Variants in ATP2C2 observed in about 807,000 individuals in gnomAD.
ATP2C2 encodes calcium-transporting ATPase type 2C member 2.
A neutral mutation model predicts 110.8 loss-of-function variants in ATP2C2; 171 were observed. That is an observed-to-expected ratio of 1.54 (90% CI 1.36 to 1.75). The LOEUF (loss-of-function observed/expected upper bound fraction) is 1.75, where lower values mean the gene tolerates loss of function less well. Among genes scored for constraint, ATP2C2 ranks in the 40% most tolerant of loss-of-function variants. The pLI is 0.00. For synonymous variants in ATP2C2, 804 were observed against 508.4 expected, an observed-to-expected ratio of 1.58 and a Z score of -7.82; for missense variants, 1,963 against 1,235.0, an observed-to-expected ratio of 1.59 and a Z score of -8.84.
intron 26 of ATP2C2, 52 bp from the exon 27 acceptor site, chr16:84,463,562 C>T (rs1435122340): frequency 1.1e-5 from 16 of 1,503,376 alleles, no homozygotes; most frequent in African/African-American, 2.8e-5. Context: ...TTCCTGCCGG[C>T]GCAACAGAGC....
intron 21 of ATP2C2, 138 bp downstream of exon 21, chr16:84,455,122 G>T: frequency 8.8e-7 from 1 of 1,135,022 alleles, no homozygotes; most frequent in Non-Finnish European, 1.2e-6. Flanking sequence ...GGGCTCGTCA[G>T]TGTGGCAGGT....
intron 23 of ATP2C2, chr16:84,459,655 A>C (rs1911075844): frequency 2.5e-5 from 34 of 1,386,088 alleles, no homozygotes; most frequent in African/African-American, 4.3e-5. Flanking sequence ...TGCATGGCTC[A>C]TTCTCATGCT....
intron 1 of ATP2C2, among the ~76,000 whole-genome samples, chr16:84,373,969 G>C (rs892243532): frequency 6.6e-6 from 1 of 152,214 alleles, no homozygotes; most frequent in Admixed American, 6.5e-5. Context: ...TCAAACTCAA[G>C]TCCAACTGCC....
At chr16:84,417,290 C>T (rs149652127) in intron 7 of ATP2C2, among the ~76,000 whole-genome samples, 7 of 152,232 alleles carry the variant, frequency 4.6e-5, no homozygotes, top group African/African-American at 1.4e-4. Flanking sequence ...GTCAGAGAAC[C>T]CCAGGCCCCA....
chr16:84,396,447 G>A (rs1346809902), intron 1 of ATP2C2, among the ~76,000 whole-genome samples: 1 of 151,182 alleles, frequency 6.6e-6, no homozygotes, highest in Non-Finnish European at 1.5e-5. Flanking sequence ...CTACTGGGGA[G>A]GGTGAGGCAG....
intron 16 of ATP2C2, among the ~76,000 whole-genome samples, chr16:84,447,273 C>T (rs932839233): frequency 1.3e-5 from 2 of 152,156 alleles, no homozygotes; most frequent in African/African-American, 4.8e-5. Flanking sequence ...GACACATGTA[C>T]ATTTCAGGGG....
rs971514062 is a variant in ATP2C2 at position 84,446,334 on chromosome 16, C to G, written c.1407C>G (p.Asp469Glu). ...GALMALAMKM[D>E]LSDIKNSYIR... is the part of the protein sequence containing the mutation. Reference sequence around the variant, plus strand: ...GTGTCATTTTATTATGCTAGATGGACTTAAGTGATATTAAAAATTCATATA... The same window carrying G: ...GTGTCATTTTATTATGCTAGATGGAGTTAAGTGATATTAAAAATTCATATA... The change falls in exon 16 of 27, where the codon GAC (aspartate) becomes GAG (glutamate). Residue 469 changes from aspartate to glutamate, a missense_variant. Coordinates refer to ENST00000262429, the MANE Select transcript of ATP2C2 (RefSeq NM_014861.4). The G allele has an allele frequency of 1.3e-6, 2 of 1,572,336 alleles. No homozygotes were observed. Among genetic ancestry groups the G allele is most frequent in the African/African-American group, 1.4e-5 (1 of 72,902 alleles).
intron 1 of ATP2C2, among the ~76,000 whole-genome samples, chr16:84,393,963 C>G (rs1277394639): frequency 6.7e-6 from 1 of 149,720 alleles, no homozygotes; most frequent in African/African-American, 2.5e-5. Flanking sequence ...CAAGACCAGC[C>G]TGGGCAACAT....
intron 11 of ATP2C2, chr16:84,426,088 T>G: frequency 4.8e-6 from 2 of 412,948 alleles, no homozygotes; most frequent in East Asian, 4.3e-5. Context: ...GGTAATTTAT[T>G]AAGAAAATAG....
In ATP2C2 at chr16:84,459,178, C is replaced by T. The variant is rs1213668401; in HGVS notation, c.2206C>T (p.Gln736Ter). 8 of 1,614,206 alleles carry T rather than the reference C, an allele frequency of 5.0e-6. No individual in the cohort carries two copies. Among genetic ancestry groups the T allele is most frequent in the South Asian group, 3.3e-5 (3 of 91,092 alleles). Residue 736 changes from glutamine (Q) to a stop codon, truncating the protein, a stop_gained, in exon 22 of 27, where the codon CAG (glutamine) becomes TAG (stop). Coordinates refer to ENST00000262429, the MANE Select transcript of ATP2C2 (RefSeq NM_014861.4). LOFTEE classifies it high-confidence loss of function. ...FYNIKNFVRF[Q>*]LSTSISALSL... ...CAACATCAAAAACTTTGTCCGATTC[C>T]AGCTGAGCACGTAAGTAGAGGCCAG...
At position 84,440,869 on chromosome 16, in the gene ATP2C2, G is replaced by C. The variant is rs1163628722; in HGVS notation, c.1222G>C (p.Gly408Arg). The change falls in exon 14 of 27, where the codon GGG becomes CGG. Residue 408 changes from glycine (G) to arginine (R), a missense_variant. By Grantham distance (125) the Gly-to-Arg change is moderately radical. Coordinates refer to ENST00000262429, the MANE Select transcript of ATP2C2 (RefSeq NM_014861.4). Reference protein sequence around the residue: ...DGLRAEVSGVGYDGQGTVCLL... With the variant: ...DGLRAEVSGVRYDGQGTVCLL... ...CCTCGCCCTGCAGGTCAGCGGAGTT[G>C]GGTATGACGGTCAAGGGACTGTGTG... The C allele has an allele frequency of 3.1e-6, 5 of 1,613,076 alleles. No individual in the cohort carries two copies. The highest frequency in any genetic ancestry group is 3.4e-6 in the Non-Finnish European group (4 of 1,179,792).
At position 84,461,778 on chromosome 16, in the gene ATP2C2, T is replaced by C; in HGVS notation, c.2546T>C (p.Phe849Ser). 1 of 1,614,224 alleles carries C rather than the reference T, an allele frequency of 6.2e-7. No individual in the cohort carries two copies. The highest frequency in any genetic ancestry group is 8.5e-7 in the Non-Finnish European group (1 of 1,180,024). ...ATGACGTTCACTTGTTTTGTGTTTT[T>C]CGATCTCTTCAACGCCTTGACCTGC... ...TTMTFTCFVF[F>S]DLFNALTCRS... Residue 849 changes from phenylalanine to serine, a missense_variant, in exon 25 of 27, where the codon TTC becomes TCC. Coordinates refer to ENST00000262429, the MANE Select transcript of ATP2C2 (RefSeq NM_014861.4).
At position 84,440,904 on chromosome 16, in the gene ATP2C2, A is replaced by G. The variant is rs1366575719; in HGVS notation, c.1257A>G (p.Pro419=). Reference sequence around the variant, plus strand: ...GTCAAGGGACTGTGTGTCTTCTACCATCCAAGGAAGTCATTAAGGAATTTT... The same window carrying G: ...GTCAAGGGACTGTGTGTCTTCTACCGTCCAAGGAAGTCATTAAGGAATTTT... ...YDGQGTVCLL[P]SKEVIKEFSN... is the part of the protein sequence containing the mutation. Residue 419 remains proline, a synonymous_variant, in exon 14 of 27, where the codon CCA becomes CCG. Transcript: ENST00000262429. The G allele has an allele frequency of 6.2e-7, 1 of 1,613,576 alleles. No homozygotes were observed. The highest frequency in any genetic ancestry group is 2.2e-5 in the East Asian group (1 of 44,902).
intron 1 of ATP2C2, among the ~76,000 whole-genome samples, chr16:84,390,558 A>G (rs1224719868): frequency 2.6e-5 from 4 of 152,170 alleles, no homozygotes; most frequent in African/African-American, 4.8e-5. Flanking sequence ...CAGAAGATGG[A>G]TGTGAAGTAG....
intron 6 of ATP2C2, among the ~76,000 whole-genome samples, chr16:84,413,141 G>C (rs373876434): frequency 6.6e-6 from 1 of 151,548 alleles, no homozygotes; most frequent in African/African-American, 2.4e-5. Context: ...GGGTGTCTGG[G>C]AACAACTCAG....
At chr16:84,459,900 G>T (rs553873552) in intron 23 of ATP2C2, 2 of 324,342 alleles carry the variant, frequency 6.2e-6, no homozygotes, top group South Asian at 6.8e-5. Context: ...AGGTGCTCAG[G>T]AGTCCACCCG....
chr16:84,439,899 A>C (rs1025652334), intron 13 of ATP2C2, among the ~76,000 whole-genome samples: 1 of 152,152 alleles, frequency 6.6e-6, no homozygotes, highest in African/African-American at 2.4e-5. Context: ...GCAGTGGCTG[A>C]TCTCTGCTCA....
chr16:84,430,736 C>T (rs1908201837), intron 11 of ATP2C2, among the ~76,000 whole-genome samples: 1 of 151,510 alleles, frequency 6.6e-6, no homozygotes, highest in Non-Finnish European at 1.5e-5. Context: ...AGGAGTAGAA[C>T]ATGTGATCCC....
chr16:84,398,516 G>A lies in ATP2C2; in HGVS notation c.117G>A (p.Glu39=). The part of the protein sequence containing the change: ...EEEALIDEQS[E]LKAIEKEKKV... The stretch of plus-strand genomic sequence containing the variant: ...TTTCACAGATTGATGAACAGAGTGA[G>A]CTGAAAGCCATCGAGAAAGAGAAGA... Residue 39 remains glutamate, a synonymous_variant, in exon 2 of 27, where the codon GAG becomes GAA. Coordinates refer to ENST00000262429, the MANE Select transcript of ATP2C2 (RefSeq NM_014861.4). 3.7e-6 allele frequency: 6 copies of A among 1,612,838 alleles called. No individual in the cohort carries two copies. Among genetic ancestry groups the A allele is most frequent in the South Asian group, 1.1e-5 (1 of 90,946 alleles).
Sources: allele counts gnomAD v4.1 joint callset (sites outside exome capture counted in the v4.1 genomes callset), GRCh38; gene constraint gnomAD v4.1.1; transcripts MANE v1.5; gene names NCBI Gene and HGNC (gene_info 2026-07-23, HGNC 2026-07-21).